OXR1: variants seen among roughly 807,000 people sequenced by gnomAD.
OXR1 encodes the protein oxidation resistance 1, also known as oxidation resistance protein 1.
OXR1 carries 41 observed loss-of-function variants against 104.6 expected under a neutral mutation model. The observed-to-expected ratio is 0.39, with a 90% confidence interval of 0.31 to 0.51. OXR1 has a LOEUF of 0.51. Ranked by LOEUF, OXR1 falls within the 20% of genes least tolerant of loss-of-function variation. The pLI, the probability that OXR1 is intolerant of heterozygous loss-of-function variation, is 0.77. For missense variants in OXR1, 955 were observed against 1,031.9 expected, an observed-to-expected ratio of 0.93 and a Z score of 1.02; for synonymous variants, 348 against 348.4, an observed-to-expected ratio of 1.00 and a Z score of 0.01.
At chr8:106,277,007 A>T (rs954040697) in intron 1 of OXR1, among the ~76,000 whole-genome samples, 2 of 152,158 alleles carry the variant, frequency 1.3e-5, no homozygotes, top group African/African-American at 2.4e-5. Flanking sequence ...AAGTTTATAG[A>T]TGTTTTTATA....
chr8:106,646,852 T>C (rs1426504182), intron 3 of OXR1, among the ~76,000 whole-genome samples: 1 of 152,232 alleles, frequency 6.6e-6, no homozygotes, highest in Non-Finnish European at 1.5e-5. Context: ...TGAGCTATTG[T>C]TCCTCAAGGT....
intron 3 of OXR1, among the ~76,000 whole-genome samples, chr8:106,647,453 G>T (rs2130983961): frequency 6.6e-6 from 1 of 152,234 alleles, no homozygotes; most frequent in African/African-American, 2.4e-5. Context: ...TAAGGAATTT[G>T]AATGTTAGCA....
intron 1 of OXR1, among the ~76,000 whole-genome samples, chr8:106,349,254 CATTAT>C (rs1359494516): frequency 3.3e-5 from 5 of 151,848 alleles, no homozygotes; most frequent in Non-Finnish European, 7.4e-5. Flanking sequence ...TTCAAAAAAT[CATTAT>C]ATTATATGTT....
chr8:106,410,836 G>A (rs1407999583), intron 2 of OXR1, among the ~76,000 whole-genome samples: 1 of 152,128 alleles, frequency 6.6e-6, no homozygotes, highest in Non-Finnish European at 1.5e-5. Flanking sequence ...TAAACTCAAA[G>A]CTTCTGAGGC....
At chr8:106,658,278 C>T (rs923015407) in intron 3 of OXR1, 8 of 1,216,000 alleles carry the variant, frequency 6.6e-6, no homozygotes, top group African/African-American at 4.7e-5. Context: ...GGGTCGCTGC[C>T]CGGCTCTGGC....
chr8:106,492,360 G>A (rs1811146613), intron 2 of OXR1, among the ~76,000 whole-genome samples: 1 of 152,178 alleles, frequency 6.6e-6, no homozygotes, highest in Non-Finnish European at 1.5e-5. Context: ...TAAAAAGAAA[G>A]CTAAAACTTC....
At chr8:106,371,042 T>G (rs1372376901) in intron 2 of OXR1, among the ~76,000 whole-genome samples, 1 of 151,598 alleles carries the variant, frequency 6.6e-6, no homozygotes, top group Non-Finnish European at 1.5e-5. Context: ...TTTTTTTTTT[T>G]GGTTGGTAGG....
At position 106,359,545 on chromosome 8, in the gene OXR1, G is replaced by A. The variant is rs1466771737; in HGVS notation, c.-69G>A. On this transcript the variant is annotated 5_prime_UTR_variant, in exon 2 of 17. The change creates a new upstream start codon in the 5' untranslated region. Transcript: ENST00000517566. ...AGAAGCAAAGCTAAAATTTTTAGCG[G>A]TGTTGTCGACTTGACCTGCTAATTT... 9.9e-6 allele frequency: 12 copies of A among 1,213,382 alleles called. No individual in the cohort carries two copies. The highest frequency in any genetic ancestry group is 1.2e-6 in the Non-Finnish European group (1 of 838,244). The allele number at this position is 1,213,382 out of a possible 1,614,324, so 75.2% of individuals were successfully genotyped here. A position where few individuals can be genotyped will look rare whatever the true frequency, so the allele number is the denominator to read the frequency against.
At chr8:106,349,412 GATA>G (rs1483801245) in intron 1 of OXR1, among the ~76,000 whole-genome samples, 1 of 152,022 alleles carries the variant, frequency 6.6e-6, no homozygotes, top group African/African-American at 2.4e-5. Context: ...CAAGACAAAA[GATA>G]ATAAGGATTT....
intron 3 of OXR1, among the ~76,000 whole-genome samples, chr8:106,594,367 G>A (rs866130643): frequency 6.6e-5 from 10 of 152,240 alleles, no homozygotes; most frequent in South Asian, 2.1e-4. Context: ...TTAATTCATC[G>A]TCTGTTTCCA....
At chr8:106,520,588 A>G (rs1322569525) in intron 3 of OXR1, 1 of 152,204 alleles carries the variant, frequency 6.6e-6, no homozygotes, top group Non-Finnish European at 1.5e-5. Context: ...TATGGTGTCA[A>G]TGAGACTGTC....
At chr8:106,354,532 C>A (rs78848117) in intron 1 of OXR1, among the ~76,000 whole-genome samples, 1 of 152,052 alleles carries the variant, frequency 6.6e-6, no homozygotes, top group East Asian at 1.9e-4. Context: ...TGTTTAGTAT[C>A]CCCTTTGGAA....
At chr8:106,726,150 T>C (rs1363057628) in intron 11 of OXR1, 1 of 1,459,494 alleles carries the variant, frequency 6.9e-7, no homozygotes, top group Admixed American at 2.7e-5. Flanking sequence ...GTAGTAAGGC[T>C]CTAGTGCTGG....
intron 1 of OXR1, among the ~76,000 whole-genome samples, chr8:106,307,430 A>T (rs1813510890): frequency 6.6e-6 from 1 of 151,536 alleles, no homozygotes; most frequent in Non-Finnish European, 1.5e-5. Flanking sequence ...CTCCTCATCC[A>T]CCCATTGTCT....
At position 106,633,485 on chromosome 8, in the gene OXR1, A is replaced by G. The variant is rs530447123; in HGVS notation, c.221-45725A>G. Among the ~76,000 whole-genome samples, 8 of 152,312 alleles carry G rather than the reference A, an allele frequency of 5.3e-5. No individual in the cohort carries two copies. In the South Asian group the frequency reaches 1.7e-3, roughly 32 times the overall value. ...CTCTTTGTATCATTAAAGTAAGATA[A>G]TACATCTCTGAAAGCCATAGTCTTC... On this transcript the variant is annotated intron_variant, in intron 3 of 16. Coordinates refer to ENST00000517566, the MANE Select transcript of OXR1 (RefSeq NM_001198533.2).
At chr8:106,697,722 C>T in intron 7 of OXR1, 1 of 1,614,050 alleles carries the variant, frequency 6.2e-7, no homozygotes, top group South Asian at 1.1e-5. Flanking sequence ...CAGCTGCTTG[C>T]AGGAACTGAG....
chr8:106,647,554 T>C (rs1824189133), intron 3 of OXR1, among the ~76,000 whole-genome samples: 1 of 152,224 alleles, frequency 6.6e-6, no homozygotes, highest in South Asian at 2.1e-4. Context: ...GAAGTTAAGC[T>C]TTAGGTTTAC....
intron 3 of OXR1, among the ~76,000 whole-genome samples, chr8:106,657,036 A>T (rs1428984939): frequency 6.6e-6 from 1 of 152,134 alleles, no homozygotes; most frequent in East Asian, 1.9e-4. Flanking sequence ...GGGAAAACTA[A>T]AAGAACTACA....
intron 3 of OXR1, among the ~76,000 whole-genome samples, chr8:106,650,881 C>T (rs1261683920): frequency 2.0e-5 from 3 of 152,156 alleles, no homozygotes; most frequent in African/African-American, 4.8e-5. Flanking sequence ...ATACCAGGAA[C>T]TGTGTAGTTA....
Sources: gnomAD v4.1 joint callset for allele counts (sites outside exome capture counted in the v4.1 genomes callset) on GRCh38, gnomAD v4.1.1 for gene constraint, MANE v1.5 for transcripts, NCBI Gene and HGNC (gene_info 2026-07-23, HGNC 2026-07-21) for gene names.